SORCS3: variants seen among roughly 807,000 people sequenced by gnomAD.
The protein encoded by SORCS3 is VPS10 domain-containing receptor SorCS3.
In SORCS3, 57 loss-of-function variants were observed where a neutral mutation model predicts 146.3. The ratio of observed to expected loss-of-function variants is 0.39; its 90% CI spans 0.31 to 0.49. The LOEUF is 0.49. Among genes scored for constraint, SORCS3 ranks in the 20% least tolerant of loss-of-function variants. The pLI, the probability that SORCS3 is intolerant of heterozygous loss-of-function variation, is 0.92. For missense variants in SORCS3, 1,341 were observed against 1,575.5 expected, an observed-to-expected ratio of 0.85 and a Z score of 2.52; for synonymous variants, 653 against 618.5, an observed-to-expected ratio of 1.06 and a Z score of -0.83.
chr10:104,692,729 TG>T (rs1196235524), intron 1 of SORCS3, among the ~76,000 whole-genome samples: 3 of 152,188 alleles, frequency 2.0e-5, no homozygotes, highest in Non-Finnish European at 4.4e-5. Context: ...GGCTTGGGGT[TG>T]GGGAAGTTCA....
At position 105,256,878 on chromosome 10, in the gene SORCS3, G is replaced by A; in HGVS notation, c.3397G>A (p.Val1133Met). 4.3e-6 allele frequency: 7 copies of A among 1,614,202 alleles called. No homozygotes were observed. Among genetic ancestry groups the A allele is most frequent in the Non-Finnish European group, 5.1e-6 (6 of 1,180,022 alleles). The part of the protein sequence containing the change: ...SSSAMLMLLS[V>M]VFVGLAVFLI... ...CTCAGCCATGCTTATGCTATTATCAGTGGTATTTGTTGGCCTGGCTGTGTT... is the reference window on the plus strand; with the variant it reads ...CTCAGCCATGCTTATGCTATTATCAATGGTATTTGTTGGCCTGGCTGTGTT... Residue 1133 changes from valine to methionine, a missense_variant, in exon 25 of 27, where the codon GTG becomes ATG. Physicochemically the swap from Val to Met is conservative, Grantham distance 21 (BLOSUM62 1). Coordinates refer to ENST00000369701, the MANE Select transcript of SORCS3 (RefSeq NM_014978.3).
At chr10:104,965,738 A>G (rs931301001) in intron 3 of SORCS3, among the ~76,000 whole-genome samples, 3 of 152,144 alleles carry the variant, frequency 2.0e-5, no homozygotes, top group Non-Finnish European at 4.4e-5. Context: ...AGAAATGTCT[A>G]TTCAAGTCCT....
At chr10:104,960,683 C>A (rs754005719) in intron 3 of SORCS3, among the ~76,000 whole-genome samples, 1 of 152,156 alleles carries the variant, frequency 6.6e-6, no homozygotes, top group Non-Finnish European at 1.5e-5. Context: ...AAAGGCTCCA[C>A]GTCTCAAAAC....
intron 9 of SORCS3, among the ~76,000 whole-genome samples, chr10:105,151,133 G>A (rs2056164902): frequency 1.3e-5 from 2 of 152,200 alleles, no homozygotes; most frequent in South Asian, 2.1e-4. Context: ...ATTCCACCAG[G>A]TTGTGGAGTT....
chr10:104,690,980 G>T (rs2016104531), intron 1 of SORCS3, among the ~76,000 whole-genome samples: 1 of 152,202 alleles, frequency 6.6e-6, no homozygotes, highest in Non-Finnish European at 1.5e-5. Flanking sequence ...GCTTAGTTCA[G>T]GTGTGTGATT....
At chr10:105,234,381 C>T (rs1345526501) in intron 20 of SORCS3, among the ~76,000 whole-genome samples, 1 of 150,570 alleles carries the variant, frequency 6.6e-6, no homozygotes, top group East Asian at 2.0e-4. Flanking sequence ...ATTTATCTGT[C>T]TCAGTGTTCT....
chr10:104,781,297 G>A (rs1035322625), intron 1 of SORCS3, among the ~76,000 whole-genome samples: 1 of 152,208 alleles, frequency 6.6e-6, no homozygotes, highest in Non-Finnish European at 1.5e-5. Context: ...GGAGCCCCTT[G>A]TGATGCCATG....
chr10:105,097,415 C>T (rs970588325), intron 6 of SORCS3, among the ~76,000 whole-genome samples: 19 of 152,092 alleles, frequency 1.2e-4, no homozygotes, highest in African/African-American at 4.3e-4. Context: ...TCTGAATGTC[C>T]CTGCACATGC....
At chr10:104,747,638 G>A (rs2016926733) in intron 1 of SORCS3, among the ~76,000 whole-genome samples, 1 of 152,196 alleles carries the variant, frequency 6.6e-6, no homozygotes, top group East Asian at 1.9e-4. Context: ...TCGAATGCCT[G>A]CTTGATACTG....
chr10:105,075,425 C>A (rs2055582621), intron 5 of SORCS3, among the ~76,000 whole-genome samples: 1 of 152,086 alleles, frequency 6.6e-6, no homozygotes, highest in South Asian at 2.1e-4. Context: ...ATGCATTGAT[C>A]CCAGCAGCTC....
At chr10:104,952,657 T>G (rs549117295) in intron 3 of SORCS3, among the ~76,000 whole-genome samples, 1 of 152,172 alleles carries the variant, frequency 6.6e-6, no homozygotes, top group African/African-American at 2.4e-5. Flanking sequence ...GCTTACTCTT[T>G]TCTGATAAAA....
At chr10:104,712,501 T>G (rs1282152914) in intron 1 of SORCS3, among the ~76,000 whole-genome samples, 1 of 152,202 alleles carries the variant, frequency 6.6e-6, no homozygotes, top group Non-Finnish European at 1.5e-5. Context: ...GTCTCTTGGC[T>G]CAGGAAGCCA....
At chr10:104,766,222 T>C (rs2017178047) in intron 1 of SORCS3, among the ~76,000 whole-genome samples, 1 of 152,122 alleles carries the variant, frequency 6.6e-6, no homozygotes, top group South Asian at 2.1e-4. Flanking sequence ...ACTGCCAGTG[T>C]GAGGCCATGG....
intron 5 of SORCS3, among the ~76,000 whole-genome samples, chr10:105,072,270 T>G (rs1479938394): frequency 6.6e-6 from 1 of 152,194 alleles, no homozygotes. Context: ...CTGCCTCATC[T>G]TCTCACGTTA....
chr10:105,138,426 C>T (rs2056073246), intron 7 of SORCS3, among the ~76,000 whole-genome samples: 1 of 152,212 alleles, frequency 6.6e-6, no homozygotes, highest in South Asian at 2.1e-4. Context: ...ACTGGGAGGA[C>T]TGGCCTGTCT....
intron 24 of SORCS3, among the ~76,000 whole-genome samples, chr10:105,256,509 T>A (rs928733011): frequency 8.5e-5 from 13 of 152,160 alleles, no homozygotes; most frequent in African/African-American, 3.1e-4. Context: ...ATGCAGCCTA[T>A]CTAAGAGAAA....
chr10:104,908,956 C>T (rs2018936946), intron 2 of SORCS3, among the ~76,000 whole-genome samples: 1 of 152,060 alleles, frequency 6.6e-6, no homozygotes, highest in Non-Finnish European at 1.5e-5. Context: ...GGGAAGGATG[C>T]TCTAGGGTAT....
intron 2 of SORCS3, among the ~76,000 whole-genome samples, chr10:104,880,116 G>A (rs1028747531): frequency 2.6e-5 from 4 of 152,108 alleles, no homozygotes; most frequent in East Asian, 1.9e-4. Flanking sequence ...CCTGGAGGGC[G>A]GCAAGCCTAC....
At chr10:104,671,631 C>T (rs1165548242) in intron 1 of SORCS3, among the ~76,000 whole-genome samples, 2 of 151,786 alleles carry the variant, frequency 1.3e-5, no homozygotes, top group Admixed American at 6.6e-5. Flanking sequence ...AGCCACCATG[C>T]CTGGCTGGGG....
Sources: allele counts gnomAD v4.1 joint callset (sites outside exome capture counted in the v4.1 genomes callset), GRCh38; gene constraint gnomAD v4.1.1; transcripts MANE v1.5; gene names NCBI Gene and HGNC (gene_info 2026-07-23, HGNC 2026-07-21).